PDE11A: variants seen among roughly 807,000 people sequenced by gnomAD.
The protein encoded by PDE11A is phosphodiesterase 11A.
A neutral mutation model predicts 100.5 loss-of-function variants in PDE11A; 100 were observed. The ratio of observed to expected loss-of-function variants is 1.00; its 90% confidence interval spans 0.85 to 1.18. PDE11A has a LOEUF of 1.18. PDE11A is among the 50% of genes most tolerant of loss of function. The probability of loss-of-function intolerance (pLI) is 0.00; values close to 1 mark genes in which losing one functional copy is unlikely to be tolerated. For missense variants in PDE11A, 1,141 were observed against 1,152.6 expected (o/e 0.99, Z 0.15); for synonymous variants, 381 against 420.8 (o/e 0.91, Z 1.16).
At chr2:177,745,570 C>A (rs116789710) in intron 10 of PDE11A, among the ~76,000 whole-genome samples, 2,345 of 152,304 alleles carry the variant, frequency 0.015, 58 homozygotes, top group African/African-American at 0.053. Context: ...TCCCACTCCA[C>A]TGGCAGGCTT....
intron 2 of PDE11A, among the ~76,000 whole-genome samples, chr2:177,940,339 T>C (rs1257978868): frequency 6.6e-6 from 1 of 152,214 alleles, no homozygotes; most frequent in African/African-American, 2.4e-5. Context: ...TGGGTTATGT[T>C]TTTTTGAAGA....
At chr2:177,946,368 G>A (rs1459429421) in intron 2 of PDE11A, among the ~76,000 whole-genome samples, 7 of 116,038 alleles carry the variant, frequency 6.0e-5, no homozygotes, top group South Asian at 6.2e-4. Context: ...CGCCCCGTCC[G>A]GGAGGTGAGG....
In PDE11A at chr2:177,905,030, G is replaced by T. The variant is rs1485313125; in HGVS notation, c.1161+68C>A. 7.0e-6 allele frequency: 6 copies of T among 853,010 alleles called. No homozygotes were observed. The South Asian group carries it at 7.9e-5, about 11-fold the overall frequency. The allele number at this position is 853,010 out of a possible 1,614,324, so 52.8% of individuals were successfully genotyped here. Reference sequence around the variant, plus strand: ...GATCATTCATTGGCTGTTTTTAAAAGACATAATGACTTACAGAAACCAGAA... The same window carrying T: ...GATCATTCATTGGCTGTTTTTAAAATACATAATGACTTACAGAAACCAGAA... On this transcript the variant is annotated intron_variant, in intron 3 of 19. Coordinates refer to ENST00000286063, the MANE Select transcript of PDE11A (RefSeq NM_016953.4).
At chr2:177,983,726 A>G (rs531230225) in intron 2 of PDE11A, among the ~76,000 whole-genome samples, 5 of 152,338 alleles carry the variant, frequency 3.3e-5, no homozygotes, top group African/African-American at 1.2e-4. Flanking sequence ...TTTGAAATAC[A>G]TGGCACTGAT....
intron 10 of PDE11A, among the ~76,000 whole-genome samples, chr2:177,764,181 T>A (rs1483461334): frequency 2.6e-5 from 4 of 152,336 alleles, no homozygotes; most frequent in East Asian, 1.9e-4. Flanking sequence ...AAGGAGTACC[T>A]ATTCTTGGTA....
At chr2:177,749,150 G>C (rs1029339175) in intron 10 of PDE11A, among the ~76,000 whole-genome samples, 3 of 152,116 alleles carry the variant, frequency 2.0e-5, no homozygotes, top group Admixed American at 1.3e-4. Flanking sequence ...ACACTATATA[G>C]AGTATCACCC....
At chr2:177,846,540 G>A (rs568343560) in intron 5 of PDE11A, among the ~76,000 whole-genome samples, 175 of 152,250 alleles carry the variant, frequency 1.1e-3, no homozygotes, top group African/African-American at 4.2e-3. Flanking sequence ...ACCTCCCCCT[G>A]ATTTATGAGG....
intron 1 of PDE11A, among the ~76,000 whole-genome samples, chr2:178,033,547 GAAC>G (rs1261553529): frequency 6.6e-6 from 1 of 152,086 alleles, no homozygotes; most frequent in Non-Finnish European, 1.5e-5. Flanking sequence ...GAAATACAGA[GAAC>G]AACACTAAGA....
chr2:177,932,109 T>A (rs940081928), intron 2 of PDE11A, among the ~76,000 whole-genome samples: 1 of 151,972 alleles, frequency 6.6e-6, no homozygotes, highest in African/African-American at 2.4e-5. Context: ...CAAGATTGAA[T>A]CAGGAAGAAA....
At chr2:178,000,542 C>A (rs1401599674) in intron 2 of PDE11A, among the ~76,000 whole-genome samples, 2 of 152,170 alleles carry the variant, frequency 1.3e-5, no homozygotes, top group Non-Finnish European at 2.9e-5. Flanking sequence ...ACCTTCTTTT[C>A]ATTCTCAGTT....
In PDE11A at chr2:178,092,163, A is replaced by G. The variant is rs764290736; in HGVS notation, c.162+12139T>C. The stretch of plus-strand genomic sequence containing the variant: ...TAAAGCTAATGTCTTCTATATTTAC[A>G]TTTAAATTACAGAGAAATAAGTATG... On this transcript the variant is annotated intron_variant, in intron 2 of 20. Coordinates refer to the PDE11A transcript ENST00000358450. Among the ~76,000 whole-genome samples, 128 of 152,248 alleles carry G rather than the reference A, an allele frequency of 8.4e-4. 1 individual carries two copies. Among genetic ancestry groups the G allele is most frequent in the Non-Finnish European group, 2.4e-4 (16 of 68,046 alleles).
At chr2:177,653,316 T>C (rs763746828) in intron 19 of PDE11A, among the ~76,000 whole-genome samples, 17 of 152,186 alleles carry the variant, frequency 1.1e-4, no homozygotes, top group Admixed American at 4.6e-4. Flanking sequence ...GTCTCCTGAC[T>C]TGGCAGTGGC....
chr2:178,035,307 C>T (rs949773379), intron 1 of PDE11A, among the ~76,000 whole-genome samples: 8 of 152,034 alleles, frequency 5.3e-5, no homozygotes, highest in African/African-American at 1.9e-4. Context: ...ACACATACAC[C>T]CTCTCAAGAC....
At chr2:177,878,019 G>A (rs1260268445) in intron 4 of PDE11A, among the ~76,000 whole-genome samples, 1 of 152,100 alleles carries the variant, frequency 6.6e-6, no homozygotes, top group Non-Finnish European at 1.5e-5. Flanking sequence ...AGCTTTATCA[G>A]TGAGGTAATG....
chr2:177,792,272 C>T (rs186872640), intron 9 of PDE11A, among the ~76,000 whole-genome samples: 47 of 152,274 alleles, frequency 3.1e-4, no homozygotes, highest in Non-Finnish European at 4.6e-4. Context: ...TAGCATTCTT[C>T]GGGTATAATT....
intron 6 of PDE11A, among the ~76,000 whole-genome samples, chr2:177,824,926 T>C (rs770361275): frequency 2.0e-5 from 3 of 152,208 alleles, no homozygotes; most frequent in Non-Finnish European, 4.4e-5. Context: ...TAGTTTCCTT[T>C]GAATTTCTTG....
chr2:177,957,003 TAACA>T (rs1468237291), intron 2 of PDE11A, among the ~76,000 whole-genome samples: 17 of 151,804 alleles, frequency 1.1e-4, no homozygotes, highest in Admixed American at 1.1e-3. Context: ...TATACATATG[TAACA>T]AACCTGCACA....
chr2:177,874,794 A>C (rs2084203644), intron 5 of PDE11A, among the ~76,000 whole-genome samples: 1 of 152,248 alleles, frequency 6.6e-6, no homozygotes, highest in Non-Finnish European at 1.5e-5. Context: ...TTAGTCAAAT[A>C]TGTGATGTGA....
chr2:177,711,158 G>A lies in PDE11A; in HGVS notation c.2153+611C>T, dbSNP rs942114834. 2.6e-5 allele frequency among the ~76,000 whole-genome samples: 4 copies of A among 152,318 alleles called. No homozygotes were observed. In the South Asian group the frequency reaches 6.2e-4, roughly 24 times the overall value. On this transcript the variant is annotated intron_variant, in intron 13 of 19. Coordinates refer to ENST00000286063, the MANE Select transcript of PDE11A (RefSeq NM_016953.4). ...ATCTTGACCAGGAAAACCTGCTTAG[G>A]GACAGATTATTCTATCTATACACAT...
Sources: allele counts gnomAD v4.1 joint callset (sites outside exome capture counted in the v4.1 genomes callset), GRCh38; gene constraint gnomAD v4.1.1; transcripts MANE v1.5; gene names NCBI Gene and HGNC (gene_info 2026-07-23, HGNC 2026-07-21).